The following CNOT10 variants were observed in gnomAD, a reference collection of about 807,000 sequenced individuals.
CNOT10 encodes CCR4-NOT transcription complex subunit 10.
Under a neutral mutation model 94.6 loss-of-function variants are expected in CNOT10, and 30 were observed. The observed-to-expected ratio is 0.32, with a 90% CI of 0.24 to 0.43. The LOEUF (loss-of-function observed/expected upper bound fraction) is 0.43. Among genes scored for constraint, CNOT10 ranks in the 20% least tolerant of loss-of-function variants. The probability of loss-of-function intolerance (pLI) is 1.00; values close to 1 mark genes in which losing one functional copy is unlikely to be tolerated. For synonymous variants in CNOT10, 289 were observed against 301.6 expected, an observed-to-expected ratio of 0.96 and a Z score of 0.43; for missense variants, 759 against 877.2, an observed-to-expected ratio of 0.87 and a Z score of 1.70.
chr3:32,687,306 C>G (rs1330120294), intron 1 of CNOT10, among the ~76,000 whole-genome samples: 3 of 151,668 alleles, frequency 2.0e-5, no homozygotes, highest in Non-Finnish European at 4.4e-5. Flanking sequence ...TTTTTTATGT[C>G]CTAAGACATT....
chr3:32,753,160 AG>A, intron 13 of CNOT10: 1 of 619,852 alleles, frequency 1.6e-6, no homozygotes, highest in Non-Finnish European at 3.0e-6. Context: ...TGTTGAGAAA[AG>A]GAACATGTGA....
intron 13 of CNOT10, among the ~76,000 whole-genome samples, chr3:32,747,426 T>C (rs556374080): frequency 8.7e-4 from 132 of 151,954 alleles, no homozygotes; most frequent in African/African-American, 3.0e-3. Context: ...TCCGTCTCAA[T>C]AAATAAATAA....
chr3:32,687,117 A>G (rs1696632646), intron 1 of CNOT10, among the ~76,000 whole-genome samples: 1 of 152,190 alleles, frequency 6.6e-6, no homozygotes, highest in Admixed American at 6.6e-5. Context: ...TTAAATTTGA[A>G]TAAAATAGAT....
chr3:32,740,132 C>G (rs1286443313), intron 13 of CNOT10, among the ~76,000 whole-genome samples: 1 of 152,130 alleles, frequency 6.6e-6, no homozygotes, highest in Non-Finnish European at 1.5e-5. Context: ...CTCATCTACC[C>G]TCTACCCAGT....
intron 13 of CNOT10, among the ~76,000 whole-genome samples, chr3:32,754,489 A>AAAAAAAAATATAT (rs77878221): frequency 1.4e-5 from 1 of 70,220 alleles, no homozygotes; most frequent in Non-Finnish European, 2.2e-5. Flanking sequence ...AAAAAAAAAA[A>AAAAAAAAATATAT]ATACATATAT....
At chr3:32,754,489 A>AAAATATATATATATATATATAT (rs77878221) in intron 13 of CNOT10, among the ~76,000 whole-genome samples, 6 of 70,210 alleles carry the variant, frequency 8.5e-5, no homozygotes, top group African/African-American at 3.8e-4. Context: ...AAAAAAAAAA[A>AAAATATATATATATATATATAT]ATACATATAT....
At chr3:32,715,427 A>G (rs543374617) in intron 5 of CNOT10, among the ~76,000 whole-genome samples, 19 of 152,320 alleles carry the variant, frequency 1.2e-4, no homozygotes, top group African/African-American at 4.6e-4. Flanking sequence ...AATGAACAGT[A>G]CCAGAGAAAT....
At chr3:32,706,834 A>G (rs953757058) in intron 3 of CNOT10, among the ~76,000 whole-genome samples, 2 of 152,238 alleles carry the variant, frequency 1.3e-5, no homozygotes, top group African/African-American at 4.8e-5. Flanking sequence ...TAGTGACTTG[A>G]TAAGTGAAGA....
chr3:32,733,574 T>C, intron 11 of CNOT10, 30 bp downstream of exon 11: 1 of 1,361,710 alleles, frequency 7.3e-7, no homozygotes, highest in Non-Finnish European at 1.0e-6. Flanking sequence ...AAAGTGTATA[T>C]ATATTTAATA....
Position 32,725,969 on chromosome 3 carries a change from G to C in CNOT10, c.1012+370G>C, listed in dbSNP as rs199787516. On this transcript the variant is annotated intron_variant, in intron 9 of 18. Transcript: ENST00000328834. ...TTTTGTTTTGTTTTGTTTTGAGACA[G>C]AGTCTAGCTCTATCACCCAGGCTGG... 1.1e-4 allele frequency among the ~76,000 whole-genome samples: 14 copies of C among 128,166 alleles called. No homozygotes were observed. The East Asian group carries it at 3.6e-3, about 33-fold the overall frequency. The allele number at this position is 128,166 out of a possible 152,430, so 84.1% of individuals were successfully genotyped here. A position where few individuals can be genotyped will look rare whatever the true frequency, so the allele number is the denominator to read the frequency against.
intron 1 of CNOT10, among the ~76,000 whole-genome samples, chr3:32,692,346 T>C (rs981722802): frequency 6.6e-6 from 1 of 152,186 alleles, no homozygotes; most frequent in Non-Finnish European, 1.5e-5. Flanking sequence ...TCCTCCCAGC[T>C]TGGTCTCTCA....
chr3:32,686,989 A>G (rs991095251), intron 1 of CNOT10, among the ~76,000 whole-genome samples: 1 of 152,178 alleles, frequency 6.6e-6, no homozygotes, highest in African/African-American at 2.4e-5. Flanking sequence ...CCTGTTTGGT[A>G]AGAGCTGTGT....
At chr3:32,705,683 A>G (rs1308889640) in intron 3 of CNOT10, among the ~76,000 whole-genome samples, 2 of 152,192 alleles carry the variant, frequency 1.3e-5, no homozygotes, top group Non-Finnish European at 2.9e-5. Flanking sequence ...TAAGAGCTAC[A>G]TGAACTCAGT....
At chr3:32,727,895 T>TAAACCCTG (rs1216523045) in intron 10 of CNOT10, 25 bp downstream of exon 10, 7 of 1,579,234 alleles carry the variant, frequency 4.4e-6, no homozygotes, top group Middle Eastern at 4.1e-4. Context: ...GGTATCTTTT[T>TAAACCCTG]AAACCCTGTC....
chr3:32,703,111 T>C (rs1377908994), intron 1 of CNOT10, among the ~76,000 whole-genome samples: 4 of 141,332 alleles, frequency 2.8e-5, no homozygotes, highest in Non-Finnish European at 6.1e-5. Flanking sequence ...TTTTTAGTAG[T>C]GACGGGGTTT....
intron 13 of CNOT10, among the ~76,000 whole-genome samples, chr3:32,749,228 G>A (rs1442209263): frequency 1.3e-5 from 2 of 151,552 alleles, no homozygotes; most frequent in African/African-American, 2.4e-5. Context: ...GCCCTTTGAA[G>A]CATAAACGTT....
chr3:32,743,008 TAGATTTTTGCCC>T (rs1699540142), intron 13 of CNOT10, among the ~76,000 whole-genome samples: 1 of 139,022 alleles, frequency 7.2e-6, no homozygotes, highest in African/African-American at 2.8e-5. Flanking sequence ...TTTTTTGAGA[TAGATTTTTGCCC>T]TTGTTCCCCA....
chr3:32,708,302 A>G (rs1697717367), intron 3 of CNOT10, among the ~76,000 whole-genome samples: 1 of 152,220 alleles, frequency 6.6e-6, no homozygotes, highest in Non-Finnish European at 1.5e-5. Flanking sequence ...AGTTTGTTGC[A>G]CGCCTGGTGT....
intron 2 of CNOT10, among the ~76,000 whole-genome samples, chr3:32,704,502 A>G (rs548730294): frequency 5.6e-4 from 85 of 152,248 alleles, no homozygotes; most frequent in Non-Finnish European, 1.1e-3. Flanking sequence ...TGATTATATT[A>G]CCTTTCTTGA....
Sources: gnomAD v4.1 joint callset for allele counts (sites outside exome capture counted in the v4.1 genomes callset) on GRCh38, gnomAD v4.1.1 for gene constraint, MANE v1.5 for transcripts, NCBI Gene and HGNC (gene_info 2026-07-23, HGNC 2026-07-21) for gene names.